The following CHST9 variants were observed in gnomAD, a reference collection of about 807,000 sequenced individuals.
CHST9 encodes GalNAc-4-sulfotransferase 2.
Under a neutral mutation model 44.4 loss-of-function variants are expected in CHST9, and 41 were observed. That is an observed-to-expected ratio of 0.92 (90% CI 0.72 to 1.20). The LOEUF (loss-of-function observed/expected upper bound fraction) is 1.20. CHST9 is among the 50% of genes most tolerant of loss of function. The probability of loss-of-function intolerance (pLI) is 0.00; values close to 1 mark genes in which losing one functional copy is unlikely to be tolerated. For synonymous variants in CHST9, 171 were observed against 178.4 expected (o/e 0.96, Z 0.33); for missense variants, 504 against 516.5 (o/e 0.98, Z 0.23).
At chr18:27,022,354 C>G (rs1404836608) in intron 4 of CHST9, among the ~76,000 whole-genome samples, 1 of 152,124 alleles carries the variant, frequency 6.6e-6, no homozygotes, top group African/African-American at 2.4e-5. Flanking sequence ...TTTCTCCTGT[C>G]TCAGGAAGAA....
intron 4 of CHST9, among the ~76,000 whole-genome samples, chr18:26,964,076 CATTTA>C (rs535084247): frequency 8.0e-4 from 122 of 152,290 alleles, no homozygotes; most frequent in Non-Finnish European, 7.5e-4. Context: ...AAACCACAGA[CATTTA>C]AAATAAAAAA....
chr18:27,011,817 C>T (rs192702374), intron 4 of CHST9, among the ~76,000 whole-genome samples: 2 of 152,346 alleles, frequency 1.3e-5, no homozygotes, highest in East Asian at 3.9e-4. Context: ...TTCTGCTTCC[C>T]AGTTTCTCCT....
chr18:27,030,924 AAAAC>A (rs1163032729), intron 3 of CHST9, among the ~76,000 whole-genome samples: 6 of 148,704 alleles, frequency 4.0e-5, no homozygotes, highest in Non-Finnish European at 1.5e-5. Context: ...AAATAGGGCA[AAAAC>A]AAACAAACAA....
chr18:27,047,388 T>TTTTGTGTGTGTGTG (rs373447468), intron 3 of CHST9, among the ~76,000 whole-genome samples: 79 of 145,654 alleles, frequency 5.4e-4, no homozygotes, highest in Non-Finnish European at 8.1e-4. Flanking sequence ...GCCTTCATAA[T>TTTTGTGTGTGTGTG]TGTGTGTGTG....
At chr18:27,157,240 T>G (rs2058704648) in intron 1 of CHST9, among the ~76,000 whole-genome samples, 1 of 151,184 alleles carries the variant, frequency 6.6e-6, no homozygotes, top group East Asian at 1.9e-4. Flanking sequence ...AGATGTGTTG[T>G]TATTGTAGTG....
chr18:27,077,115 A>G (rs1768740119), intron 2 of CHST9, among the ~76,000 whole-genome samples: 1 of 151,902 alleles, frequency 6.6e-6, no homozygotes, highest in African/African-American at 2.4e-5. Flanking sequence ...GAGTTTATTG[A>G]CTCTGTGTGG....
At chr18:27,053,218 G>GAA (rs2057599065) in intron 2 of CHST9, among the ~76,000 whole-genome samples, 1 of 32,358 alleles carries the variant, frequency 3.1e-5, no homozygotes, top group African/African-American at 9.9e-5. Context: ...AGGAGGAAGA[G>GAA]GAAGAAGAAG....
intron 4 of CHST9, among the ~76,000 whole-genome samples, chr18:27,014,281 T>C (rs149367268): frequency 6.6e-6 from 1 of 152,008 alleles, no homozygotes; most frequent in East Asian, 1.9e-4. Flanking sequence ...TAGCTGAATT[T>C]AGCCTCAGGA....
chr18:27,002,334 A>G (rs1051099844), intron 4 of CHST9, among the ~76,000 whole-genome samples: 1 of 152,166 alleles, frequency 6.6e-6, no homozygotes, highest in African/African-American at 2.4e-5. Flanking sequence ...CTCTTTGCCA[A>G]CATGGATCAT....
chr18:27,124,676 C>T (rs772311374), intron 2 of CHST9, among the ~76,000 whole-genome samples: 2 of 152,168 alleles, frequency 1.3e-5, no homozygotes, highest in Non-Finnish European at 2.9e-5. Flanking sequence ...TAACTTTTCC[C>T]TTAGCTTTAG....
At chr18:27,039,991 G>T (rs932755035) in intron 3 of CHST9, among the ~76,000 whole-genome samples, 1 of 152,066 alleles carries the variant, frequency 6.6e-6, no homozygotes. Flanking sequence ...TTTCAGAGAA[G>T]GCTTGGTAAA....
At chr18:26,937,269 G>T (rs113180085) in intron 5 of CHST9, among the ~76,000 whole-genome samples, 1 of 151,580 alleles carries the variant, frequency 6.6e-6, no homozygotes, top group East Asian at 1.9e-4. Context: ...GTAATTTACC[G>T]CTCAACAGGG....
chr18:27,037,486 T>C (rs1334326690), intron 3 of CHST9, among the ~76,000 whole-genome samples: 1 of 152,142 alleles, frequency 6.6e-6, no homozygotes, highest in African/African-American at 2.4e-5. Context: ...GCTCAGGAGT[T>C]CAAGACCATC....
intron 1 of CHST9, among the ~76,000 whole-genome samples, chr18:27,183,390 T>C (rs1170571023): frequency 2.6e-5 from 4 of 152,016 alleles, no homozygotes; most frequent in African/African-American, 4.8e-5. Flanking sequence ...AGAGAACAGA[T>C]GGTTGGTAAT....
At chr18:26,934,313 C>T (rs1211029406) in intron 5 of CHST9, 1 of 151,518 alleles carries the variant, frequency 6.6e-6, no homozygotes, top group Non-Finnish European at 1.5e-5. Flanking sequence ...CGGCTCACTG[C>T]AAGCTCCGCC....
At chr18:27,056,716 C>T (rs2057660656) in intron 2 of CHST9, among the ~76,000 whole-genome samples, 2 of 152,106 alleles carry the variant, frequency 1.3e-5, no homozygotes, top group Admixed American at 6.6e-5. Flanking sequence ...ATCAGGTTGT[C>T]CTTAATAGCA....
intron 1 of CHST9, among the ~76,000 whole-genome samples, chr18:27,157,128 C>G (rs964649669): frequency 3.3e-5 from 5 of 152,066 alleles, no homozygotes; most frequent in African/African-American, 4.8e-5. Context: ...ATCCTCCTTC[C>G]TTATGCCAGA....
At chr18:27,054,652 T>C (rs1162669006) in intron 2 of CHST9, among the ~76,000 whole-genome samples, 2 of 152,150 alleles carry the variant, frequency 1.3e-5, no homozygotes, top group Non-Finnish European at 2.9e-5. Flanking sequence ...TACTTCAGTA[T>C]GGAAGTAGTC....
At chr18:27,080,622 A>G (rs1007651365) in intron 2 of CHST9, among the ~76,000 whole-genome samples, 1 of 152,182 alleles carries the variant, frequency 6.6e-6, no homozygotes, top group Admixed American at 6.5e-5. Flanking sequence ...TAAAGAAGGC[A>G]TAGGTGGCCA....
Sources: gnomAD v4.1 joint callset for allele counts (sites outside exome capture counted in the v4.1 genomes callset) on GRCh38, gnomAD v4.1.1 for gene constraint, MANE v1.5 for transcripts, NCBI Gene and HGNC (gene_info 2026-07-23, HGNC 2026-07-21) for gene names.